OPA3: variants seen among roughly 807,000 people sequenced by gnomAD.
The protein encoded by OPA3 is outer mitochondrial membrane lipid metabolism regulator OPA3, also known as optic atrophy 3 protein.
OPA3 carries 6 observed loss-of-function variants against 4.0 expected under a neutral mutation model. That is an observed-to-expected ratio of 1.51 (90% confidence interval 0.83 to 2.99). The LOEUF (loss-of-function observed/expected upper bound fraction) is 2.99. OPA3 is among the 30% of genes most tolerant of loss of function. The pLI, the probability that OPA3 is intolerant of heterozygous loss-of-function variation, is 0.00. For missense variants in OPA3, 235 were observed against 256.2 expected, an observed-to-expected ratio of 0.92 and a Z score of 0.56; for synonymous variants, 105 against 117.1, an observed-to-expected ratio of 0.90 and a Z score of 0.67.
intron 1 of OPA3, among the ~76,000 whole-genome samples, chr19:45,576,471 G>A (rs1969768505): frequency 6.6e-6 from 1 of 151,772 alleles, no homozygotes; most frequent in Admixed American, 6.6e-5. Flanking sequence ...CCAGGAGGCA[G>A]AGATTGCAGT....
At chr19:45,578,789 T>C (rs1194382707) in intron 1 of OPA3, among the ~76,000 whole-genome samples, 1 of 152,096 alleles carries the variant, frequency 6.6e-6, no homozygotes, top group East Asian at 1.9e-4. Flanking sequence ...ATCACACCAT[T>C]GCACTCCAGC....
chr19:45,537,347 T>C (rs1969129392), intron 1 of OPA3, among the ~76,000 whole-genome samples: 1 of 122,126 alleles, frequency 8.2e-6, no homozygotes. Flanking sequence ...TAATGAGTTG[T>C]GATGGTGCCA....
At chr19:45,577,849 TATCA>T (rs749777577) in intron 1 of OPA3, among the ~76,000 whole-genome samples, 29 of 152,098 alleles carry the variant, frequency 1.9e-4, no homozygotes, top group East Asian at 1.4e-3. Flanking sequence ...CGGGACACAC[TATCA>T]ATCAGAGGAC....
chr19:45,579,292 C>T (rs780392115), intron 1 of OPA3, among the ~76,000 whole-genome samples: 19 of 152,156 alleles, frequency 1.2e-4, no homozygotes, highest in Non-Finnish European at 2.5e-4. Flanking sequence ...GCAATCTCGG[C>T]TCACTGCAAC....
intron 1 of OPA3, among the ~76,000 whole-genome samples, chr19:45,575,671 G>T (rs1424655375): frequency 1.3e-5 from 2 of 152,034 alleles, no homozygotes; most frequent in Admixed American, 1.3e-4. Flanking sequence ...CAGGGGTGCG[G>T]TCACAGCTCA....
At chr19:45,571,653 G>A (rs572665015) in intron 1 of OPA3, among the ~76,000 whole-genome samples, 8 of 152,208 alleles carry the variant, frequency 5.3e-5, no homozygotes, top group African/African-American at 1.7e-4. Context: ...ACACTGGTGC[G>A]TGTGAGAATG....
At chr19:45,530,906 C>T (rs1202227482) in intron 1 of OPA3, among the ~76,000 whole-genome samples, 1 of 124,006 alleles carries the variant, frequency 8.1e-6, no homozygotes, top group Non-Finnish European at 1.6e-5. Flanking sequence ...GGTTCAATGG[C>T]GTGTGCCACC....
Position 45,553,443 on chromosome 19 carries a change from G to C in OPA3, c.*71C>G. The C allele has an allele frequency of 6.2e-7, 1 of 1,604,000 alleles. No individual in the cohort carries two copies. The highest frequency in any genetic ancestry group is 1.1e-5 in the South Asian group (1 of 90,966). On this transcript the variant is annotated 3_prime_UTR_variant, in exon 2 of 2. Coordinates refer to ENST00000263275, the MANE Select transcript of OPA3 (RefSeq NM_025136.4). ...GTTTCCACTGGGCCAGCGCAGGCAA[G>C]GGTGGTGCGGGAAGAAGGCCACGTT... is the stretch of plus-strand genomic sequence containing the variant.
In OPA3 at chr19:45,550,732, T is replaced by G. The variant is rs1454200178; in HGVS notation, c.*2782A>C. On this transcript the variant is annotated 3_prime_UTR_variant, in exon 2 of 2. Coordinates refer to ENST00000263275, the MANE Select transcript of OPA3 (RefSeq NM_025136.4). ...ATTTTAATAAGCTCTGTACCCATTGTGGAGATCCACATGGTGGTTCAGGTA... is the reference window on the plus strand; with the variant it reads ...ATTTTAATAAGCTCTGTACCCATTGGGGAGATCCACATGGTGGTTCAGGTA... 1 of 985,792 alleles carries G rather than the reference T, an allele frequency of 1.0e-6. No homozygotes were observed. Among genetic ancestry groups the G allele is most frequent in the African/African-American group, 1.7e-5 (1 of 57,216 alleles). The allele number at this position is 985,792 out of a possible 1,614,324, so 61.1% of individuals were successfully genotyped here.
intron 1 of OPA3, among the ~76,000 whole-genome samples, chr19:45,581,196 T>G (rs1423445264): frequency 6.6e-6 from 1 of 152,120 alleles, no homozygotes; most frequent in East Asian, 1.9e-4. Context: ...CTGTGAAATC[T>G]AATACTTTCC....
At chr19:45,563,972 G>C (rs945341578) in intron 1 of OPA3, among the ~76,000 whole-genome samples, 1 of 151,908 alleles carries the variant, frequency 6.6e-6, no homozygotes, top group African/African-American at 2.4e-5. Flanking sequence ...TTACCGGTGT[G>C]CACCACTGTG....
chr19:45,580,586 C>A (rs926953455), intron 1 of OPA3, among the ~76,000 whole-genome samples: 34 of 150,806 alleles, frequency 2.3e-4, no homozygotes, highest in Admixed American at 2.0e-3. Flanking sequence ...AGGCACCGCG[C>A]CCAGCACAGA....
At chr19:45,537,481 T>G (rs572156428) in intron 1 of OPA3, among the ~76,000 whole-genome samples, 1 of 147,234 alleles carries the variant, frequency 6.8e-6, no homozygotes, top group African/African-American at 2.5e-5. Flanking sequence ...AGGCAAATCA[T>G]AGACTGGAAG....
At chr19:45,532,708 A>G (rs17286686) in intron 1 of OPA3, among the ~76,000 whole-genome samples, 20,129 of 151,986 alleles carry the variant, frequency 0.13, 1,408 homozygotes, top group South Asian at 0.24. Context: ...ACATACAGGG[A>G]AGTTTAGTGT....
chr19:45,572,392 CAACAT>C (rs1443534504), intron 1 of OPA3, among the ~76,000 whole-genome samples: 1 of 121,894 alleles, frequency 8.2e-6, no homozygotes, highest in East Asian at 2.5e-4. Flanking sequence ...TCATATATAT[CAACAT>C]ATGAGATTAT....
At chr19:45,554,481 C>G (rs940579588) in intron 1 of OPA3, among the ~76,000 whole-genome samples, 1 of 152,100 alleles carries the variant, frequency 6.6e-6, no homozygotes, top group Non-Finnish European at 1.5e-5. Flanking sequence ...GAGCTGCGAG[C>G]TCTTCACAGT....
downstream of OPA3, among the ~76,000 whole-genome samples, chr19:45,542,122 A>G (rs1969192200): frequency 6.6e-6 from 1 of 152,156 alleles, no homozygotes; most frequent in Non-Finnish European, 1.5e-5. Context: ...AGGAAAAATA[A>G]GCCAGCCAAG....
Position 45,551,695 on chromosome 19 carries a change from A to C in OPA3, c.*1819T>G. On this transcript the variant is annotated 3_prime_UTR_variant, in exon 2 of 2. Transcript: ENST00000263275. ...TTATGGCAGTCCAAGGAAATTAATC[A>C]AGCAGTTAAGGCCAACTGCTGGCCT... The C allele has an allele frequency of 1.0e-6, 1 of 984,924 alleles. No homozygotes were observed. The highest frequency in any genetic ancestry group is 1.2e-6 in the Non-Finnish European group (1 of 829,454). 61.0% of individuals were successfully genotyped at this position (984,924 alleles called of 1,614,324 possible).
At chr19:45,569,331 C>A (rs183943806) in intron 1 of OPA3, among the ~76,000 whole-genome samples, 66 of 152,250 alleles carry the variant, frequency 4.3e-4, no homozygotes, top group Admixed American at 7.8e-4. Context: ...TGGTGGCGGG[C>A]ACCTGTAGTC....
Sources: allele counts gnomAD v4.1 joint callset (sites outside exome capture counted in the v4.1 genomes callset), GRCh38; gene constraint gnomAD v4.1.1; transcripts MANE v1.5; gene names NCBI Gene and HGNC (gene_info 2026-07-23, HGNC 2026-07-21).